The following ZFPM2 variants were observed in gnomAD, a reference collection of about 807,000 sequenced individuals.
ZFPM2 encodes zinc finger protein ZFPM2.
ZFPM2 carries 20 observed loss-of-function variants against 98.6 expected under a neutral mutation model. The ratio of observed to expected loss-of-function variants is 0.20; its 90% CI spans 0.14 to 0.29. The LOEUF is 0.29. Among genes scored for constraint, ZFPM2 ranks in the 10% least tolerant of loss-of-function variants. The pLI is 1.00. For synonymous variants in ZFPM2, 518 were observed against 502.7 expected, an observed-to-expected ratio of 1.03 and a Z score of -0.41; for missense variants, 1,310 against 1,388.6, an observed-to-expected ratio of 0.94 and a Z score of 0.90.
chr8:105,568,553 C>G (rs191920612), intron 4 of ZFPM2, among the ~76,000 whole-genome samples: 14 of 152,270 alleles, frequency 9.2e-5, no homozygotes, highest in South Asian at 6.2e-4. Context: ...GTCCAGAAAC[C>G]AAGCATCATA....
chr8:105,516,024 C>T lies in ZFPM2; in HGVS notation c.302-45339C>T, dbSNP rs529025831. 1.7e-4 allele frequency among the ~76,000 whole-genome samples: 26 copies of T among 149,360 alleles called. No homozygotes were observed. In the South Asian group the frequency reaches 4.3e-3, roughly 24 times the overall value. ...CTTCTGCCTTCCGGGTCTCCGGGTC[C>T]GAGCAATTCTCTTGCCTCAGCCTCC... On this transcript the variant is annotated intron_variant, in intron 3 of 7. Coordinates refer to ENST00000407775, the MANE Select transcript of ZFPM2 (RefSeq NM_012082.4).
chr8:105,590,712 G>A (rs185552863), intron 4 of ZFPM2, among the ~76,000 whole-genome samples: 32 of 152,214 alleles, frequency 2.1e-4, no homozygotes, highest in Non-Finnish European at 3.7e-4. Context: ...ATGTGTATAC[G>A]TATAGACACA....
At chr8:105,474,401 A>G (rs1812972791) in intron 3 of ZFPM2, among the ~76,000 whole-genome samples, 1 of 152,212 alleles carries the variant, frequency 6.6e-6, no homozygotes, top group Admixed American at 6.5e-5. Flanking sequence ...GAGTGAATCC[A>G]CTGTGATTTA....
intron 3 of ZFPM2, among the ~76,000 whole-genome samples, chr8:105,465,553 G>A (rs1367622346): frequency 6.6e-6 from 1 of 151,798 alleles, no homozygotes; most frequent in African/African-American, 2.4e-5. Context: ...TATACTTGTA[G>A]ACTTTATATT....
chr8:105,334,118 CTGTG>C (rs71305145), intron 1 of ZFPM2, among the ~76,000 whole-genome samples: 2,911 of 120,378 alleles, frequency 0.024, 49 homozygotes, highest in Middle Eastern at 0.05. Context: ...TAGTAATAAA[CTGTG>C]TGTGTGTGTG....
At chr8:105,622,416 G>T (rs932421999) in intron 4 of ZFPM2, among the ~76,000 whole-genome samples, 1 of 152,018 alleles carries the variant, frequency 6.6e-6, no homozygotes, top group African/African-American at 2.4e-5. Flanking sequence ...AAATCTACCT[G>T]ATTAAGAAAT....
At chr8:105,418,329 T>G (rs1338182179) in intron 1 of ZFPM2, among the ~76,000 whole-genome samples, 1 of 152,160 alleles carries the variant, frequency 6.6e-6, no homozygotes, top group Non-Finnish European at 1.5e-5. Context: ...TTTGATTCTT[T>G]AGAGGCAGTC....
At chr8:105,405,226 C>G (rs1811421436) in intron 1 of ZFPM2, among the ~76,000 whole-genome samples, 1 of 151,868 alleles carries the variant, frequency 6.6e-6, no homozygotes, top group African/African-American at 2.4e-5. Flanking sequence ...AAAATGACCT[C>G]AGGGGTTTGC....
intron 5 of ZFPM2, among the ~76,000 whole-genome samples, chr8:105,668,705 G>A (rs186152332): frequency 4.1e-4 from 63 of 152,198 alleles, no homozygotes; most frequent in South Asian, 2.5e-3. Flanking sequence ...ATCATTATAC[G>A]TATTTAATTA....
At position 105,613,195 on chromosome 8, in the gene ZFPM2, A is replaced by G. The variant is rs182792954; in HGVS notation, c.421-21051A>G. On this transcript the variant is annotated intron_variant, in intron 4 of 7. Coordinates refer to ENST00000407775, the MANE Select transcript of ZFPM2 (RefSeq NM_012082.4). The stretch of plus-strand genomic sequence containing the variant: ...TAAGCCAGTTGTTCAATACGTCAGC[A>G]TAGCCAAATGATGACTGAGGCTTGT... Among the ~76,000 whole-genome samples the G allele has an allele frequency of 3.2e-4, 49 of 152,288 alleles. 2 individuals carry two copies. Among genetic ancestry groups the G allele is most frequent in the Admixed American group, 2.8e-3 (43 of 15,280 alleles).
intron 5 of ZFPM2, among the ~76,000 whole-genome samples, chr8:105,708,729 T>G (rs1162592449): frequency 6.6e-6 from 1 of 152,112 alleles, no homozygotes. Context: ...TTGGCATGAG[T>G]CACCGTGCCT....
chr8:105,392,135 G>A (rs1276294597), intron 1 of ZFPM2, among the ~76,000 whole-genome samples: 1 of 152,168 alleles, frequency 6.6e-6, no homozygotes, highest in Non-Finnish European at 1.5e-5. Flanking sequence ...TGGGTGATCA[G>A]GTGCACTGTC....
intron 5 of ZFPM2, among the ~76,000 whole-genome samples, chr8:105,695,581 A>G (rs1811000129): frequency 6.6e-6 from 1 of 152,016 alleles, no homozygotes; most frequent in African/African-American, 2.4e-5. Flanking sequence ...CTGTTTTCAC[A>G]TTTCAGTGTT....
chr8:105,590,398 G>T (rs1019014443), intron 4 of ZFPM2, among the ~76,000 whole-genome samples: 8 of 152,146 alleles, frequency 5.3e-5, no homozygotes, highest in African/African-American at 1.9e-4. Flanking sequence ...GTCATATAGT[G>T]TACAGCCTGT....
intron 6 of ZFPM2, among the ~76,000 whole-genome samples, chr8:105,791,728 T>G (rs1035131466): frequency 6.6e-6 from 1 of 152,204 alleles, no homozygotes; most frequent in African/African-American, 2.4e-5. Flanking sequence ...CCTGGACTCT[T>G]TTTCATTGGT....
chr8:105,560,634 A>G (rs1286140819), intron 3 of ZFPM2, among the ~76,000 whole-genome samples: 4 of 145,498 alleles, frequency 2.7e-5, no homozygotes, highest in African/African-American at 5.1e-5. Flanking sequence ...TATTCCATTC[A>G]TTTATTTCTT....
intron 6 of ZFPM2, chr8:105,795,651 C>A (rs1813781023): frequency 1.0e-5 from 3 of 290,110 alleles, no homozygotes; most frequent in East Asian, 1.0e-4. Context: ...GCTTAGAACA[C>A]TTTATATGGA....
At chr8:105,662,093 A>G (rs779163834) in intron 5 of ZFPM2, among the ~76,000 whole-genome samples, 10 of 152,116 alleles carry the variant, frequency 6.6e-5, no homozygotes, top group Non-Finnish European at 1.0e-4. Flanking sequence ...AAAGAATCCA[A>G]CTGTTCATTT....
chr8:105,669,706 A>G (rs1489593183), intron 5 of ZFPM2, among the ~76,000 whole-genome samples: 1 of 152,112 alleles, frequency 6.6e-6, no homozygotes, highest in Non-Finnish European at 1.5e-5. Context: ...GGCAATATTT[A>G]CAAATATTAT....
Sources: gnomAD v4.1 joint callset for allele counts (sites outside exome capture counted in the v4.1 genomes callset) on GRCh38, gnomAD v4.1.1 for gene constraint, MANE v1.5 for transcripts, NCBI Gene and HGNC (gene_info 2026-07-23, HGNC 2026-07-21) for gene names.